ZBED6: variants seen among roughly 807,000 people sequenced by gnomAD.
The protein encoded by ZBED6 is zinc finger BED-type containing 6.
ZBED6 carries 40 observed loss-of-function variants against 58.4 expected under a neutral mutation model. That is an observed-to-expected ratio of 0.68 (90% CI 0.53 to 0.89). The LOEUF is 0.89. ZBED6 is among the 40% of genes least tolerant of loss of function. The pLI, the probability that ZBED6 is intolerant of heterozygous loss-of-function variation, is 0.00. For missense variants in ZBED6, 1,057 were observed against 1,003.9 expected (o/e 1.05, Z -0.71); for synonymous variants, 439 against 350.6 (o/e 1.25, Z -2.82).
At chr1:203,850,746 C>G (rs1689062016) in intron 15 of ZBED6, 65 bp downstream of exon 15, 2 of 1,557,552 alleles carry the variant, frequency 1.3e-6, no homozygotes, top group Non-Finnish European at 8.7e-7. Flanking sequence ...AAGACTAACT[C>G]TCCACTAGCA....
chr1:203,834,118 A>G lies in ZBED6; in HGVS notation c.*3573+265A>G, dbSNP rs1005566475. ...TTTAAAAATGGTAAAGAACACCTCT[A>G]TTTCTCTGAACAAATTTAAATGTGA... On this transcript the variant is annotated intron_variant, in intron 9 of 16. Transcript: ENST00000550078. 6.3e-6 allele frequency: 7 copies of G among 1,118,862 alleles called. No homozygotes were observed. In the Admixed American group the frequency reaches 1.9e-4, roughly 31 times the overall value. The allele number at this position is 1,118,862 out of a possible 1,614,324, so 69.3% of individuals were successfully genotyped here. A position where few individuals can be genotyped will look rare whatever the true frequency, so the allele number is the denominator to read the frequency against.
chr1:203,841,200 G>A (rs184177894), intron 11 of ZBED6, among the ~76,000 whole-genome samples: 7 of 148,742 alleles, frequency 4.7e-5, no homozygotes, highest in South Asian at 2.1e-4. Flanking sequence ...GGTGTTTCTC[G>A]GAGAGGGGGA....
chr1:203,818,113 G>T (rs1339261909), intron 2 of ZBED6, among the ~76,000 whole-genome samples: 1 of 152,080 alleles, frequency 6.6e-6, no homozygotes, highest in Non-Finnish European at 1.5e-5. Flanking sequence ...ATAGCAGTTT[G>T]CACAACAGTA....
At chr1:203,831,894 T>G (rs571350276) in intron 8 of ZBED6, 123 bp downstream of exon 8, 30 of 730,588 alleles carry the variant, frequency 4.1e-5, no homozygotes, top group African/African-American at 4.1e-4. Flanking sequence ...GCTGATGAGA[T>G]AATCTAAAGA....
At chr1:203,854,039 T>C (rs1482708037) in exon 17 of ZBED6, 2 of 152,706 alleles carry the variant, frequency 1.3e-5, no homozygotes, top group South Asian at 2.1e-4. Flanking sequence ...AGTCAATGTT[T>C]CGTGTTCCGC....
At chr1:203,839,530 C>T (rs994521065) in intron 10 of ZBED6, among the ~76,000 whole-genome samples, 1 of 152,114 alleles carries the variant, frequency 6.6e-6, no homozygotes, top group African/African-American at 2.4e-5. Flanking sequence ...TTTCCCCTTG[C>T]CCAAGGGACT....
intron 3 of ZBED6, among the ~76,000 whole-genome samples, chr1:203,824,691 G>C (rs893428440): frequency 6.6e-6 from 1 of 152,138 alleles, no homozygotes; most frequent in Non-Finnish European, 1.5e-5. Context: ...CTTTTGGTTG[G>C]TGGTGGTGCT....
intron 10 of ZBED6, 121 bp from the exon 11 acceptor site, chr1:203,840,185 T>G (rs2103228496): frequency 1.1e-6 from 1 of 881,160 alleles, no homozygotes; most frequent in Non-Finnish European, 1.8e-6. Flanking sequence ...GTGATCAGCC[T>G]GCCTTGGCCT....
chr1:203,840,481 C>A, intron 11 of ZBED6, 107 bp downstream of exon 11: 1 of 1,118,892 alleles, frequency 8.9e-7, no homozygotes, highest in Non-Finnish European at 1.3e-6. Flanking sequence ...GATTTTTGTT[C>A]TTTTGTAGTT....
At chr1:203,839,397 G>T (rs1265740038) in intron 10 of ZBED6, among the ~76,000 whole-genome samples, 1 of 152,166 alleles carries the variant, frequency 6.6e-6, no homozygotes, top group Non-Finnish European at 1.5e-5. Context: ...TTAGATTTAT[G>T]TTTTTTCTGC....
intron 11 of ZBED6, among the ~76,000 whole-genome samples, chr1:203,841,885 G>GGGC (rs1686388811): frequency 6.7e-6 from 1 of 149,978 alleles, no homozygotes; most frequent in Non-Finnish European, 1.5e-5. Context: ...TTCTCAGACG[G>GGGC]GGCGGCCGGG....
At chr1:203,805,618 G>T in intron 1 of ZBED6, 1 of 673,520 alleles carries the variant, frequency 1.5e-6, no homozygotes, top group Non-Finnish European at 2.8e-6. Flanking sequence ...AAATGCAAAT[G>T]TATGAAGCAG....
chr1:203,834,742 T>G (rs1683686792), intron 9 of ZBED6, among the ~76,000 whole-genome samples: 1 of 152,184 alleles, frequency 6.6e-6, no homozygotes, highest in Admixed American at 6.5e-5. Flanking sequence ...CTCCACCTCC[T>G]GGGTTCAAGT....
In ZBED6 at chr1:203,852,125, C is replaced by CTTTTTTTT; in HGVS notation, c.*4874-15_*4874-8dup. 2 of 1,612,570 alleles carry CTTTTTTTT rather than the reference C, an allele frequency of 1.2e-6. No homozygotes were observed. Among genetic ancestry groups the CTTTTTTTT allele is most frequent in the African/African-American group, 1.3e-5 (1 of 74,740 alleles). ...TTTAAAACGGCAGTTTTCTAATAAT[C>CTTTTTTTT]TTTTTTTTCTTACAGTCTTGTGCTG... On this transcript the variant is annotated splice_polypyrimidine_tract_variant and intron_variant, in intron 16 of 16. Coordinates refer to ENST00000550078, the Ensembl canonical transcript of ZBED6.
rs1571849733 is a variant in ZBED6, at chr1:203,797,453, C to T, written c.-70C>T. The stretch of plus-strand genomic sequence containing the variant: ...AAAAGGTAATGCAAGTAGAGAGGAA[C>T]AGCTGTATTTCTGCTTGAGTAATAA... On this transcript the variant is annotated 5_prime_UTR_variant, in exon 1 of 17. An upstream open reading frame in the 5' UTR gains an earlier in-frame stop. Transcript: ENST00000550078. The T allele has an allele frequency of 3.7e-6, 5 of 1,358,288 alleles. No individual in the cohort carries two copies. The East Asian group carries it at 7.7e-5, about 21-fold the overall frequency. The allele number at this position is 1,358,288 out of a possible 1,614,324, so 84.1% of individuals were successfully genotyped here. A position where few individuals can be genotyped will look rare whatever the true frequency, so the allele number is the denominator to read the frequency against.
chr1:203,815,268 G>A (rs1675968495), intron 1 of ZBED6, among the ~76,000 whole-genome samples: 1 of 130,256 alleles, frequency 7.7e-6, no homozygotes, highest in Admixed American at 9.2e-5. Flanking sequence ...AAGCTGGAGT[G>A]CAGTGGCGCA....
intron 11 of ZBED6, among the ~76,000 whole-genome samples, chr1:203,842,135 G>C (rs1686529673): frequency 6.6e-6 from 1 of 150,530 alleles, no homozygotes; most frequent in African/African-American, 2.4e-5. Flanking sequence ...TGGGCGGAAG[G>C]GCTCCTCACA....
intron 3 of ZBED6, among the ~76,000 whole-genome samples, chr1:203,823,333 T>C (rs116560568): frequency 0.011 from 1,642 of 152,304 alleles, 36 homozygotes; most frequent in African/African-American, 0.038. Flanking sequence ...AGCACACTCT[T>C]TTCCTAGTCA....
chr1:203,834,800 C>A (rs1683709019), intron 9 of ZBED6, among the ~76,000 whole-genome samples: 1 of 152,012 alleles, frequency 6.6e-6, no homozygotes, highest in Non-Finnish European at 1.5e-5. Context: ...CAGGCACTAC[C>A]CCTGGCTAAT....
Sources: allele counts gnomAD v4.1 joint callset (sites outside exome capture counted in the v4.1 genomes callset), GRCh38; gene constraint gnomAD v4.1.1; transcripts MANE v1.5; gene names NCBI Gene and HGNC (gene_info 2026-07-23, HGNC 2026-07-21).